OGA: variants seen among roughly 807,000 people sequenced by gnomAD.
The protein encoded by OGA is protein O-GlcNAcase.
OGA carries 21 observed loss-of-function variants against 102.0 expected under a neutral mutation model. The observed-to-expected ratio is 0.21, with a 90% confidence interval of 0.15 to 0.30. The LOEUF (loss-of-function observed/expected upper bound fraction) is 0.30. Ranked by LOEUF, OGA falls within the 10% of genes least tolerant of loss-of-function variation. The pLI, the probability that OGA is intolerant of heterozygous loss-of-function variation, is 1.00. For synonymous variants in OGA, 408 were observed against 378.2 expected (o/e 1.08, Z -0.91); for missense variants, 765 against 1,107.8 (o/e 0.69, Z 4.39).
intron 1 of OGA, among the ~76,000 whole-genome samples, chr10:101,816,396 G>A (rs1338048803): frequency 6.6e-6 from 1 of 152,214 alleles, no homozygotes; most frequent in African/African-American, 2.4e-5. Flanking sequence ...CTTTAAATAG[G>A]AAGAATCGCC....
intron 5 of OGA, 83 bp downstream of exon 5, chr10:101,807,647 G>T: frequency 1.0e-6 from 1 of 957,088 alleles, no homozygotes; most frequent in Non-Finnish European, 1.4e-6. Context: ...GGAGGGAAGT[G>T]GAGAGAGAAT....
intron 13 of OGA, 121 bp downstream of exon 13, chr10:101,791,233 T>A: frequency 8.1e-7 from 1 of 1,235,596 alleles, no homozygotes; most frequent in Non-Finnish European, 1.1e-6. Flanking sequence ...CATATTCAGA[T>A]TTTACTAAAG....
chr10:101,791,301 G>C, intron 13 of OGA, 53 bp downstream of exon 13: 1 of 1,460,284 alleles, frequency 6.8e-7, no homozygotes, highest in East Asian at 2.3e-5. Flanking sequence ...CCCTCAACCT[G>C]ATAAGCCTCA....
At chr10:101,789,502 AAAATAAAT>A in intron 14 of OGA, among the ~76,000 whole-genome samples, 1 of 152,254 alleles carries the variant, frequency 6.6e-6, no homozygotes, top group East Asian at 1.9e-4. Context: ...CTGTCTCAAA[AAAATAAAT>A]AAATAAATAA....
rs2065253295 is a variant in OGA at position 101,790,837 on chromosome 10, TA to T, written c.2454+58del. 15 of 1,250,590 alleles carry T rather than the reference TA, an allele frequency of 1.2e-5. No individual in the cohort carries two copies. In the South Asian group the frequency reaches 2.4e-4, roughly 20 times the overall value. 77.5% of individuals were successfully genotyped at this position (1,250,590 alleles called of 1,614,324 possible). On this transcript the variant is annotated intron_variant, in intron 14 of 15. Coordinates refer to ENST00000361464, the MANE Select transcript of OGA (RefSeq NM_012215.5). ...TTTTAGTAAGTACTTTAATAAAAAA[TA>T]AAAATAAATAAATAAAAAAGACCAT...
chr10:101,790,867 C>A, intron 14 of OGA, 29 bp downstream of exon 14: 1 of 1,452,082 alleles, frequency 6.9e-7, no homozygotes, highest in East Asian at 2.4e-5. Flanking sequence ...AGACCATTAC[C>A]ATAGTATAAT....
rs1371026331 is a variant in OGA at position 101,791,020 on chromosome 10, C to A, written c.2330G>T (p.Cys777Phe). 6.2e-7 allele frequency: 1 copy of A among 1,613,912 alleles called. No individual in the cohort carries two copies. The highest frequency in any genetic ancestry group is 1.3e-5 in the African/African-American group (1 of 75,024). Reference sequence around the variant, plus strand: ...ATCTACAGTGCCCAAGGCATAACCACATATGCCATCTTCATCTTCTAGGAC... The same window carrying A: ...ATCTACAGTGCCCAAGGCATAACCAAATATGCCATCTTCATCTTCTAGGAC... ...CFVLEDEDGI[C>F]GYALGTVDVT... The change falls in exon 14 of 16, where the codon TGT becomes TTT. Residue 777 changes from cysteine to phenylalanine, a missense_variant. By Grantham distance (205) the Cys-to-Phe change is radical. Around this residue, in one of 7 missense-constraint regions of OGA, gnomAD observed 146 missense variants for 269.7 expected, o/e 0.54. Coordinates refer to ENST00000361464, the MANE Select transcript of OGA (RefSeq NM_012215.5).
chr10:101,786,687 C>T, intron 15 of OGA, 100 bp from the exon 16 acceptor site: 2 of 1,015,962 alleles, frequency 2.0e-6, no homozygotes, highest in Non-Finnish European at 2.7e-6. Flanking sequence ...ATAAACAGGG[C>T]TTGTCTGTCT....
intron 9 of OGA, 109 bp downstream of exon 9, chr10:101,798,733 C>T: frequency 7.4e-7 from 1 of 1,355,010 alleles, no homozygotes; most frequent in East Asian, 2.3e-5. Flanking sequence ...TATTCTAAAA[C>T]ATGGTCAATT....
chr10:101,792,581 A>G lies in OGA; in HGVS notation c.2175+258T>C, dbSNP rs1450994674. ...TAAGGACAACACATCATTTAGACAC[A>G]TTAACTATTTTGTAACTCCAACTCT... On this transcript the variant is annotated intron_variant, in intron 12 of 15. Coordinates refer to ENST00000361464, the MANE Select transcript of OGA (RefSeq NM_012215.5). 1.6e-5 allele frequency: 6 copies of G among 380,592 alleles called. No individual in the cohort carries two copies. In the East Asian group the frequency reaches 2.2e-4, roughly 14 times the overall value. 23.6% of individuals were successfully genotyped at this position (380,592 alleles called of 1,614,324 possible). A position where few individuals can be genotyped will look rare whatever the true frequency, so the allele number is the denominator to read the frequency against.
Position 101,810,309 on chromosome 10 carries a change from G to C in OGA, c.355C>G (p.Leu119Val). The C allele has an allele frequency of 6.2e-7, 1 of 1,610,772 alleles. No individual in the cohort carries two copies. The highest frequency in any genetic ancestry group is 1.1e-5 in the South Asian group (1 of 90,242). The change falls in exon 4 of 16, where the codon CTT becomes GTT. Residue 119 changes from leucine (L) to valine (V), a missense_variant. Leu to Val is a conservative substitution (Grantham distance 32). Transcript: ENST00000361464. Reference protein sequence around the residue: ...EMYSVEEAEQLMTLISAAREY... With the variant: ...EMYSVEEAEQVMTLISAAREY... ...CGTGCAGCAGAGATGAGAGTCATAA[G>C]TTGCTCTAAAGAACAGAGTCTATGT...
chr10:101,795,004 G>A lies in OGA; in HGVS notation c.1985-1006C>T, dbSNP rs115740327. Among the ~76,000 whole-genome samples, 1,421 of 152,202 alleles carry A rather than the reference G, an allele frequency of 9.3e-3. 19 individuals are homozygous for A. Among genetic ancestry groups the A allele is most frequent in the African/African-American group, 0.033 (1,350 of 41,500 alleles). On this transcript the variant is annotated intron_variant, in intron 10 of 15. Transcript: ENST00000361464. ...AAACCAATTTTTTGTTAACAATTCA[G>A]GCCCATTAAGAGTTTGTATCTGGTT...
At position 101,799,159 on chromosome 10, in the gene OGA, G is replaced by C. The variant is rs1175148102; in HGVS notation, c.1492C>G (p.Pro498Ala). The C allele has an allele frequency of 6.2e-7, 1 of 1,614,166 alleles. No individual in the cohort carries two copies. The change falls in exon 9 of 16, where the codon CCA becomes GCA. Residue 498 changes from proline (P) to alanine (A), a missense_variant. Around this residue, in one of 7 missense-constraint regions of OGA, gnomAD observed 281 missense variants for 345.8 expected, o/e 0.81. Coordinates refer to ENST00000361464, the MANE Select transcript of OGA (RefSeq NM_012215.5). Reference protein sequence around the residue: ...VEAKMAEELKPMDTDKESIAE... With the variant: ...VEAKMAEELKAMDTDKESIAE... ...ATGCTCTCTTTATCAGTGTCCATTGGTTTCAATTCCTCTGCCATTTTCGCT... is the reference window on the plus strand; with the variant it reads ...ATGCTCTCTTTATCAGTGTCCATTGCTTTCAATTCCTCTGCCATTTTCGCT...
In OGA at chr10:101,799,396, C is replaced by T. The variant is rs989461497; in HGVS notation, c.1255G>A (p.Ala419Thr). 1.2e-6 allele frequency: 2 copies of T among 1,613,946 alleles called. No individual in the cohort carries two copies. Among genetic ancestry groups the T allele is most frequent in the African/African-American group, 2.7e-5 (2 of 74,906 alleles). ...ASVVDGTPLV[A>T]APSLNATTVV... ...GTTGTGGCATTTAAAGAGGGTGCTG[C>T]AACTAAAGGAGTCCCATCAACTACA... is the stretch of plus-strand genomic sequence containing the variant. The change falls in exon 9 of 16, where the codon GCA becomes ACA. Residue 419 changes from alanine (A) to threonine (T), a missense_variant. Ala to Thr is a moderately conservative substitution (Grantham distance 58). Transcript: ENST00000361464.
At chr10:101,792,728 A>C in intron 12 of OGA, 111 bp downstream of exon 12, 1 of 692,694 alleles carries the variant, frequency 1.4e-6, no homozygotes, top group Non-Finnish European at 2.4e-6. Context: ...TTCTCCATCT[A>C]AAGTTTGCAG....
chr10:101,812,433 A>C (rs2065571002), intron 3 of OGA, among the ~76,000 whole-genome samples: 1 of 151,828 alleles, frequency 6.6e-6, no homozygotes. Flanking sequence ...ACAAAACAAA[A>C]CCCAAAGACA....
chr10:101,811,464 AGGCCAC>A (rs1431615041), intron 3 of OGA, among the ~76,000 whole-genome samples: 1 of 145,318 alleles, frequency 6.9e-6, no homozygotes, highest in Non-Finnish European at 1.5e-5. Context: ...GCACTTTGAG[AGGCCAC>A]GGCAAGTTGA....
rs1193279316 is a variant in OGA, at chr10:101,786,083, T to G, written c.*368A>C. 1 of 159,896 alleles carries G rather than the reference T, an allele frequency of 6.3e-6. No homozygotes were observed. Among genetic ancestry groups the G allele is most frequent in the Non-Finnish European group, 1.4e-5 (1 of 73,242 alleles). The allele number at this position is 159,896 out of a possible 1,614,324, so 9.9% of individuals were successfully genotyped here. On this transcript the variant is annotated 3_prime_UTR_variant, in exon 16 of 16. Coordinates refer to ENST00000361464, the MANE Select transcript of OGA (RefSeq NM_012215.5). ...ATTTCACTCAATAAACCAAGGAAGA[T>G]GACAGATGTTATCTTGATTACTCTC...
rs1193152345 is a variant in OGA, at chr10:101,799,174, C to T, written c.1477G>A (p.Ala493Thr). The T allele has an allele frequency of 6.2e-7, 1 of 1,614,090 alleles. No homozygotes were observed. Among genetic ancestry groups the T allele is most frequent in the Admixed American group, 1.7e-5 (1 of 59,998 alleles). Residue 493 changes from alanine to threonine, a missense_variant, in exon 9 of 16, where the codon GCA becomes ACA. Physicochemically the swap from Ala to Thr is moderately conservative, Grantham distance 58. Transcript: ENST00000361464. Reference sequence around the variant, plus strand: ...GTGTCCATTGGTTTCAATTCCTCTGCCATTTTCGCTTCAACAATTTCACTC... The same window carrying T: ...GTGTCCATTGGTTTCAATTCCTCTGTCATTTTCGCTTCAACAATTTCACTC... ...ILSEIVEAKM[A>T]EELKPMDTDK...
Sources: allele counts gnomAD v4.1 joint callset (sites outside exome capture counted in the v4.1 genomes callset), GRCh38; gene constraint gnomAD v4.1.1; regional missense constraint gnomAD v4.1.1; transcripts MANE v1.5; gene names NCBI Gene and HGNC (gene_info 2026-07-23, HGNC 2026-07-21).